CTPS2: variants seen among roughly 807,000 people sequenced by gnomAD.
CTPS2 encodes CTP synthase II.
CTPS2 carries 19 observed loss-of-function variants against 46.8 expected under a neutral mutation model. The observed-to-expected ratio is 0.41, with a 90% CI of 0.28 to 0.60. The LOEUF (loss-of-function observed/expected upper bound fraction) is 0.60, where lower values mean the gene tolerates loss of function less well. Among genes scored for constraint, CTPS2 ranks in the 20% least tolerant of loss-of-function variants. The pLI, the probability that CTPS2 is intolerant of heterozygous loss-of-function variation, is 0.35. For missense variants in CTPS2, 286 were observed against 447.6 expected (o/e 0.64, Z 3.26); for synonymous variants, 151 against 165.2 (o/e 0.91, Z 0.66).
intron 4 of CTPS2, among the ~76,000 whole-genome samples, chrX:16,696,240 C>T (rs1193150612): frequency 8.9e-6 from 1 of 112,085 alleles, no homozygotes; most frequent in Non-Finnish European, 1.9e-5. Context: ...GGCAGTCCTT[C>T]TTCAAAAGCT....
chrX:16,692,739 G>A (rs1923802470), intron 6 of CTPS2, among the ~76,000 whole-genome samples: 1 of 110,828 alleles, frequency 9.0e-6, no homozygotes, highest in Non-Finnish European at 1.9e-5. Context: ...AATGAGAAAG[G>A]ACTTAGATGA....
chrX:16,704,203 G>T (rs1924815066), intron 1 of CTPS2, among the ~76,000 whole-genome samples: 1 of 111,734 alleles, frequency 8.9e-6, no homozygotes, highest in Non-Finnish European at 1.9e-5. Flanking sequence ...CTCCCCAAGT[G>T]CTGGGATCAC....
chrX:16,663,245 C>T (rs1306612903), intron 13 of CTPS2, among the ~76,000 whole-genome samples: 1 of 111,476 alleles, frequency 9.0e-6, no homozygotes, highest in Non-Finnish European at 1.9e-5. Flanking sequence ...CCCTGGGGCT[C>T]AAGTGATCCT....
chrX:16,691,574 T>C lies in CTPS2; in HGVS notation c.686A>G (p.Lys229Arg). The C allele has an allele frequency of 1.7e-6, 2 of 1,211,408 alleles. No individual in the cohort carries two copies. The highest frequency in any genetic ancestry group is 2.2e-6 in the Non-Finnish European group (2 of 895,077). The change falls in exon 7 of 19, where the codon AAG (lysine) becomes AGG (arginine). Residue 229 changes from lysine (K) to arginine (R), a missense_variant. Physicochemically the swap from Lys to Arg is conservative, Grantham distance 26. Coordinates refer to ENST00000359276, the MANE Select transcript of CTPS2 (RefSeq NM_175859.3). ...GTTCACGTGACAAAACATAGAAATC[T>C]TCTCCTTCACGGCCATCTCAATGGG... ...STPIEMAVKE[K>R]ISMFCHVNPE...
chrX:16,616,894 C>T (rs1424109695), intron 16 of CTPS2, among the ~76,000 whole-genome samples: 2 of 111,440 alleles, frequency 1.8e-5, no homozygotes, highest in African/African-American at 6.5e-5. Context: ...GGGGTTTCAC[C>T]ATGTTGGCCA....
At chrX:16,669,812 C>A (rs746985013) in intron 11 of CTPS2, among the ~76,000 whole-genome samples, 2 of 110,830 alleles carry the variant, frequency 1.8e-5, no homozygotes, top group South Asian at 7.8e-4. Context: ...CCTCTCTGCA[C>A]TCCCCCTCCT....
chrX:16,618,155 T>C (rs941090032), intron 15 of CTPS2, among the ~76,000 whole-genome samples: 8 of 111,935 alleles, frequency 7.1e-5, no homozygotes, highest in African/African-American at 2.6e-4. Flanking sequence ...TCTATAGCTT[T>C]GCCTATTCTG....
rs1921285274 is a variant in CTPS2 at position 16,667,367 on chromosome X, C to T, written c.1296+147G>A. On this transcript the variant is annotated intron_variant, in intron 13 of 18. Coordinates refer to ENST00000359276, the MANE Select transcript of CTPS2 (RefSeq NM_175859.3). ...CAGGCTACTCTTGAACTCCTAACCTCAAGTGATCCGCCCGCCTTGACCTCC... is the reference window on the plus strand; with the variant it reads ...CAGGCTACTCTTGAACTCCTAACCTTAAGTGATCCGCCCGCCTTGACCTCC... 7 of 568,665 alleles carry T rather than the reference C, an allele frequency of 1.2e-5. No individual in the cohort carries two copies. The Admixed American group carries it at 2.0e-4, about 16-fold the overall frequency. The allele number at this position is 568,665 out of a possible 1,213,427, so 46.9% of individuals were successfully genotyped here.
intron 4 of CTPS2, among the ~76,000 whole-genome samples, chrX:16,694,465 C>T (rs904141505): frequency 5.4e-5 from 6 of 111,870 alleles, no homozygotes; most frequent in African/African-American, 1.6e-4. Context: ...TCCCACTAGC[C>T]CTTGTCACAG....
chrX:16,623,848 G>A (rs5936154), intron 14 of CTPS2, among the ~76,000 whole-genome samples: 17 of 76,101 alleles, frequency 2.2e-4, no homozygotes, highest in Non-Finnish European at 2.3e-5. Flanking sequence ...TCACTCCGTC[G>A]CCAGGCTGGA....
At chrX:16,636,576 A>T (rs368603443) in intron 14 of CTPS2, among the ~76,000 whole-genome samples, 5 of 111,562 alleles carry the variant, frequency 4.5e-5, no homozygotes, top group Admixed American at 9.5e-5. Context: ...GGAGGTGATG[A>T]AAATATCCTA....
intron 10 of CTPS2, among the ~76,000 whole-genome samples, chrX:16,674,653 A>G (rs1261846553): frequency 6.7e-5 from 7 of 104,145 alleles, no homozygotes; most frequent in Non-Finnish European, 1.2e-4. Context: ...CCTGGCTAAC[A>G]CGGTGAAACC....
intron 14 of CTPS2, among the ~76,000 whole-genome samples, chrX:16,624,082 C>T (rs1326195191): frequency 9.1e-6 from 1 of 110,319 alleles, no homozygotes; most frequent in Non-Finnish European, 1.9e-5. Flanking sequence ...TGAGCCACCG[C>T]GCCTGGCCCA....
At chrX:16,695,622 G>A (rs1365765942) in intron 4 of CTPS2, among the ~76,000 whole-genome samples, 1 of 110,542 alleles carries the variant, frequency 9.0e-6, no homozygotes, top group Non-Finnish European at 1.9e-5. Flanking sequence ...CGCGATGTCG[G>A]CTCACTGCAA....
Position 16,698,328 on chromosome X carries a change from G to A in CTPS2, c.346C>T (p.His116Tyr). 1 of 1,179,206 alleles carries A rather than the reference G, an allele frequency of 8.5e-7. No individual in the cohort carries two copies. The highest frequency in any genetic ancestry group is 1.2e-6 in the Non-Finnish European group (1 of 866,399). ...CACTCCTGGACAGCATCAGTAATGT[G>A]AGGGACAACTGTAGAAAGAAGTATT... Reference protein sequence around the residue: ...YLGKTVQVVPHITDAVQEWVM... With the variant: ...YLGKTVQVVPYITDAVQEWVM... Residue 116 changes from histidine to tyrosine, a missense_variant, in exon 4 of 19, where the codon CAC (histidine) becomes TAC (tyrosine). By Grantham distance (83) the His-to-Tyr change is moderately conservative. Coordinates refer to ENST00000359276, the MANE Select transcript of CTPS2 (RefSeq NM_175859.3).
intron 9 of CTPS2, among the ~76,000 whole-genome samples, chrX:16,681,395 T>C (rs2147332989): frequency 1.8e-5 from 2 of 111,474 alleles, no homozygotes; most frequent in East Asian, 5.6e-4. Context: ...GTCAAGATGA[T>C]AAGACTTGCT....
intron 3 of CTPS2, 36 bp from the exon 4 acceptor site, chrX:16,698,372 A>ATG: frequency 1.0e-6 from 1 of 988,806 alleles, no homozygotes; most frequent in Non-Finnish European, 1.4e-6. Flanking sequence ...AGTTTATTCC[A>ATG]TGCTCATGAG....
chrX:16,677,708 A>G (rs1922394254), intron 10 of CTPS2, among the ~76,000 whole-genome samples: 1 of 111,793 alleles, frequency 8.9e-6, no homozygotes, highest in Admixed American at 9.5e-5. Context: ...TGCAGTAAAG[A>G]AGCCAGCTAA....
intron 9 of CTPS2, among the ~76,000 whole-genome samples, chrX:16,680,221 A>G: frequency 8.9e-6 from 1 of 111,757 alleles, no homozygotes; most frequent in African/African-American, 3.2e-5. Context: ...TATGTATATA[A>G]CAGTCCCTCT....
Sources: allele counts gnomAD v4.1 joint callset (sites outside exome capture counted in the v4.1 genomes callset), GRCh38; gene constraint gnomAD v4.1.1; transcripts MANE v1.5; gene names NCBI Gene and HGNC (gene_info 2026-07-23, HGNC 2026-07-21).